PDC: variants seen among roughly 807,000 people sequenced by gnomAD.
PDC encodes phosducin.
Under a neutral mutation model 22.2 loss-of-function variants are expected in PDC, and 19 were observed. That is an observed-to-expected ratio of 0.86 (90% CI 0.60 to 1.26). The LOEUF is 1.26. Ranked by LOEUF, PDC falls within the 50% of genes most tolerant of loss-of-function variation. The pLI, the probability that PDC is intolerant of heterozygous loss-of-function variation, is 0.00. For missense variants in PDC, 274 were observed against 286.8 expected (o/e 0.96, Z 0.32); for synonymous variants, 97 against 96.2 (o/e 1.01, Z -0.05).
At chr1:186,459,603 A>T (rs1472586929) in intron 1 of PDC, among the ~76,000 whole-genome samples, 1 of 151,748 alleles carries the variant, frequency 6.6e-6, no homozygotes, top group Non-Finnish European at 1.5e-5. Flanking sequence ...ATATATTTTG[A>T]TAATGACTTA....
intron 1 of PDC, among the ~76,000 whole-genome samples, chr1:186,459,030 T>G (rs975676254): frequency 3.9e-5 from 6 of 151,942 alleles, no homozygotes; most frequent in African/African-American, 1.2e-4. Flanking sequence ...GGCGTGGTGG[T>G]GGGTGCCTGT....
In PDC at chr1:186,443,781, C is replaced by A. The variant is rs35066734; in HGVS notation, c.*198G>T. The A allele has an allele frequency of 6.0e-5, 32 of 532,184 alleles. No individual in the cohort carries two copies. The highest frequency in any genetic ancestry group is 1.0e-4 in the Non-Finnish European group (30 of 300,828). The allele number at this position is 532,184 out of a possible 1,614,324, so 33.0% of individuals were successfully genotyped here. The stretch of plus-strand genomic sequence containing the variant: ...ACTAATAATGTTGCTGAAGACAGCT[C>A]TGTTTTGTAGTCAAGCATTGTATCA... On this transcript the variant is annotated 3_prime_UTR_variant, in exon 4 of 4. Transcript: ENST00000391997.
chr1:186,453,424 C>CT (rs1662393133), intron 1 of PDC, among the ~76,000 whole-genome samples: 2 of 152,162 alleles, frequency 1.3e-5, no homozygotes, highest in African/African-American at 2.4e-5. Flanking sequence ...TTGTTAGTCA[C>CT]TTCAAACCTG....
chr1:186,455,823 T>A (rs1415224918), intron 1 of PDC, among the ~76,000 whole-genome samples: 17 of 83,902 alleles, frequency 2.0e-4, no homozygotes, highest in African/African-American at 4.9e-4. Flanking sequence ...AAAAAAAAAA[T>A]TAGCCGGGCG....
chr1:186,460,848 A>T (rs1662568237), intron 1 of PDC, among the ~76,000 whole-genome samples: 1 of 152,182 alleles, frequency 6.6e-6, no homozygotes, highest in Non-Finnish European at 1.5e-5. Context: ...GTTTACTCTG[A>T]ATCTGTATTA....
rs368987775 is a variant in PDC, at chr1:186,446,519, A to G, written c.120T>C (p.Asp40=). Residue 40 remains aspartate, a synonymous_variant, in exon 3 of 4, where the codon GAT becomes GAC. Coordinates refer to ENST00000391997, the MANE Select transcript of PDC (RefSeq NM_002597.5). ...RKFKLESQDS[D]SIPPSKKEIL... ...TCTCCTTCTTGCTAGGTGGAATTGAATCACTGTCTTGACTCTCTAATTTAA... is the reference window on the plus strand; with the variant it reads ...TCTCCTTCTTGCTAGGTGGAATTGAGTCACTGTCTTGACTCTCTAATTTAA... 5.6e-6 allele frequency: 9 copies of G among 1,601,838 alleles called. No homozygotes were observed. The African/African-American group carries it at 1.1e-4, about 19-fold the overall frequency.
chr1:186,452,437 C>T (rs1263976365), intron 1 of PDC, among the ~76,000 whole-genome samples: 1 of 152,048 alleles, frequency 6.6e-6, no homozygotes, highest in African/African-American at 2.4e-5. Context: ...GGGGTTTCAC[C>T]ATGTTGTCCA....
intron 2 of PDC, chr1:186,448,696 G>T: frequency 1.0e-6 from 1 of 960,382 alleles, no homozygotes; most frequent in Non-Finnish European, 1.2e-6. Context: ...TCCTCACATT[G>T]CTATTATAAA....
At chr1:186,454,361 T>G (rs2102135961) in intron 1 of PDC, among the ~76,000 whole-genome samples, 1 of 152,162 alleles carries the variant, frequency 6.6e-6, no homozygotes, top group East Asian at 1.9e-4. Flanking sequence ...GTATTTTTAG[T>G]AGACACGGGG....
intron 1 of PDC, among the ~76,000 whole-genome samples, chr1:186,449,985 G>A (rs1662317357): frequency 1.3e-5 from 2 of 152,188 alleles, no homozygotes; most frequent in African/African-American, 4.8e-5. Flanking sequence ...GCTATATGTG[G>A]TAGGAACAAT....
In PDC at chr1:186,459,752, GTA is replaced by G. The variant is rs56927589; in HGVS notation, c.-25+1305_-25+1306del. On this transcript the variant is annotated intron_variant, in intron 1 of 3. Coordinates refer to ENST00000391997, the MANE Select transcript of PDC (RefSeq NM_002597.5). ...TACAATGGACAATATGTGTGTGTGTGTATATATATATATATATATATATATAT... is the reference window on the plus strand; with the variant it reads ...TACAATGGACAATATGTGTGTGTGTGTATATATATATATATATATATATAT... 6.4e-3 allele frequency among the ~76,000 whole-genome samples: 714 copies of G among 112,086 alleles called. 10 individuals carry two copies. The highest frequency in any genetic ancestry group is 0.025 in the Middle Eastern group (4 of 160). The allele number at this position is 112,086 out of a possible 152,430, so 73.5% of individuals were successfully genotyped here. A position where few individuals can be genotyped will look rare whatever the true frequency, so the allele number is the denominator to read the frequency against.
intron 1 of PDC, among the ~76,000 whole-genome samples, chr1:186,460,654 A>G (rs1662563804): frequency 6.6e-6 from 1 of 152,178 alleles, no homozygotes; most frequent in South Asian, 2.1e-4. Context: ...TCCCCCTTGG[A>G]TAAGGGGCAA....
chr1:186,455,230 G>T (rs993614286), intron 1 of PDC, among the ~76,000 whole-genome samples: 1 of 152,166 alleles, frequency 6.6e-6, no homozygotes, highest in Admixed American at 6.5e-5. Context: ...GACCTCACAT[G>T]ACAGAGAGTG....
intron 1 of PDC, among the ~76,000 whole-genome samples, chr1:186,458,024 G>A (rs191068684): frequency 2.0e-5 from 3 of 152,182 alleles, no homozygotes; most frequent in Admixed American, 2.0e-4. Flanking sequence ...ATGGGACTGG[G>A]CAGGGGAGTT....
At chr1:186,453,540 A>G (rs1216272922) in intron 1 of PDC, among the ~76,000 whole-genome samples, 4 of 152,184 alleles carry the variant, frequency 2.6e-5, no homozygotes, top group Non-Finnish European at 2.9e-5. Context: ...TAGATTTTCA[A>G]ATAGTTGGGA....
At chr1:186,459,764 A>G (rs1259289437) in intron 1 of PDC, among the ~76,000 whole-genome samples, 1 of 141,426 alleles carries the variant, frequency 7.1e-6, no homozygotes, top group Non-Finnish European at 1.5e-5. Flanking sequence ...ATATATATAT[A>G]TATATATATA....
chr1:186,445,059 T>G (rs1189275078), intron 3 of PDC, among the ~76,000 whole-genome samples: 1 of 152,182 alleles, frequency 6.6e-6, no homozygotes, highest in Non-Finnish European at 1.5e-5. Context: ...AAATTCCATT[T>G]TCTAAGATAG....
chr1:186,448,030 T>C (rs1662272072), intron 2 of PDC, among the ~76,000 whole-genome samples: 1 of 152,218 alleles, frequency 6.6e-6, no homozygotes, highest in Non-Finnish European at 1.5e-5. Flanking sequence ...ATTGTGTAGA[T>C]ATACATAATT....
chr1:186,446,490 A>G lies in PDC; in HGVS notation c.149T>C (p.Leu50Pro). ...DSIPPSKKEI[L>P]RQMSSPQSRN... is the part of the protein sequence containing the mutation. The stretch of plus-strand genomic sequence containing the variant: ...ACTCTGAGGAGAAGACATTTGCCTG[A>G]GAATCTCCTTCTTGCTAGGTGGAAT... The change falls in exon 3 of 4, where the codon CTC (leucine) becomes CCC (proline). Residue 50 changes from leucine (L) to proline (P), a missense_variant. By Grantham distance (98) the Leu-to-Pro change is moderately conservative. Transcript: ENST00000391997. 1 of 1,607,958 alleles carries G rather than the reference A, an allele frequency of 6.2e-7. No individual in the cohort carries two copies. The highest frequency in any genetic ancestry group is 1.1e-5 in the South Asian group (1 of 90,568).
Sources: gnomAD v4.1 joint callset for allele counts (sites outside exome capture counted in the v4.1 genomes callset) on GRCh38, gnomAD v4.1.1 for gene constraint, MANE v1.5 for transcripts, NCBI Gene and HGNC (gene_info 2026-07-23, HGNC 2026-07-21) for gene names.